Variants in FARS2 observed in about 807,000 individuals in gnomAD.
The protein encoded by FARS2 is phenylalanine--tRNA ligase, mitochondrial.
FARS2 carries 40 observed loss-of-function variants against 46.4 expected under a neutral mutation model. The observed-to-expected ratio is 0.86, with a 90% CI of 0.67 to 1.12. The LOEUF is 1.12. FARS2 is among the 50% of genes most tolerant of loss of function. FARS2 has a pLI of 0.00. For missense variants in FARS2, 513 were observed against 567.9 expected (o/e 0.90, Z 0.98); for synonymous variants, 234 against 214.9 (o/e 1.09, Z -0.78).
chr6:5,275,314 A>G (rs1280938486), intron 1 of FARS2, among the ~76,000 whole-genome samples: 2 of 152,138 alleles, frequency 1.3e-5, no homozygotes, highest in African/African-American at 2.4e-5. Flanking sequence ...TTCTTCAGGG[A>G]ATGTTCCCAA....
intron 4 of FARS2, among the ~76,000 whole-genome samples, chr6:5,462,254 T>G (rs969398401): frequency 3.3e-5 from 5 of 152,196 alleles, no homozygotes; most frequent in African/African-American, 7.2e-5. Context: ...ATTATTTGTC[T>G]TATTATTCAG....
chr6:5,589,624 A>C (rs1773806154), intron 5 of FARS2, among the ~76,000 whole-genome samples: 1 of 152,198 alleles, frequency 6.6e-6, no homozygotes, highest in Admixed American at 6.5e-5. Context: ...GTGATTCCTT[A>C]AGTGTTAGAC....
At chr6:5,741,324 G>C (rs1761323400) in intron 6 of FARS2, among the ~76,000 whole-genome samples, 1 of 152,228 alleles carries the variant, frequency 6.6e-6, no homozygotes, top group African/African-American at 2.4e-5. Context: ...GCGTGTGGAT[G>C]CTATGGGAAT....
intron 4 of FARS2, among the ~76,000 whole-genome samples, chr6:5,447,256 A>T (rs1250932917): frequency 6.6e-6 from 1 of 152,154 alleles, no homozygotes; most frequent in Non-Finnish European, 1.5e-5. Context: ...AGGGGGCCAG[A>T]TTGTGTGCCT....
At chr6:5,449,363 A>AAG (rs1435583587) in intron 4 of FARS2, among the ~76,000 whole-genome samples, 2 of 151,018 alleles carry the variant, frequency 1.3e-5, no homozygotes, top group Non-Finnish European at 3.0e-5. Flanking sequence ...AAAAAAAAAA[A>AAG]AAAGAAAAAA....
At chr6:5,709,926 A>AG (rs1307008420) in intron 6 of FARS2, among the ~76,000 whole-genome samples, 2 of 152,118 alleles carry the variant, frequency 1.3e-5, no homozygotes, top group Admixed American at 6.5e-5. Flanking sequence ...GCCCAGGATG[A>AG]GGGGGATCTC....
intron 6 of FARS2, among the ~76,000 whole-genome samples, chr6:5,755,604 C>A (rs560616371): frequency 8.5e-5 from 13 of 152,200 alleles, no homozygotes; most frequent in African/African-American, 2.9e-4. Flanking sequence ...CATTTAAGTA[C>A]TTTTTTTATT....
chr6:5,550,358 C>T (rs1488830826), intron 5 of FARS2, among the ~76,000 whole-genome samples: 1 of 152,024 alleles, frequency 6.6e-6, no homozygotes. Flanking sequence ...TCACTGCAAC[C>T]TCCACCTCCC....
In FARS2 at chr6:5,539,041, C is replaced by G. The variant is rs571311813; in HGVS notation, c.905-6139C>G. ...CTCAGTCACCTCAGCACTGGGTCCT[C>G]TCAGGTAGAGCCAGTCTCCTCTCTT... On this transcript the variant is annotated intron_variant, in intron 4 of 6. Coordinates refer to ENST00000274680, the MANE Select transcript of FARS2 (RefSeq NM_006567.5). Among the ~76,000 whole-genome samples the G allele has an allele frequency of 1.1e-4, 16 of 152,120 alleles. No individual in the cohort carries two copies. In the East Asian group the frequency reaches 3.1e-3, roughly 30 times the overall value.
At chr6:5,436,553 A>G (rs1223636193) in intron 4 of FARS2, among the ~76,000 whole-genome samples, 2 of 152,260 alleles carry the variant, frequency 1.3e-5, no homozygotes, top group African/African-American at 4.8e-5. Flanking sequence ...TAGGGCAGAT[A>G]AGATTATATC....
chr6:5,624,657 A>G (rs1775941410), intron 6 of FARS2, among the ~76,000 whole-genome samples: 1 of 152,128 alleles, frequency 6.6e-6, no homozygotes, highest in South Asian at 2.1e-4. Context: ...GTGGCGATGG[A>G]ATGCTCTCTT....
chr6:5,587,808 G>A (rs1561733772), intron 5 of FARS2, among the ~76,000 whole-genome samples: 1 of 152,132 alleles, frequency 6.6e-6, no homozygotes, highest in African/African-American at 2.4e-5. Flanking sequence ...TCTCCATTGT[G>A]TGACCTTGGG....
chr6:5,431,450 C>A (rs1004598841), intron 4 of FARS2, among the ~76,000 whole-genome samples: 1 of 152,168 alleles, frequency 6.6e-6, no homozygotes, highest in South Asian at 2.1e-4. Flanking sequence ...TTTGTTGATA[C>A]GTTGCTTTGT....
At chr6:5,510,393 C>T (rs1286849951) in intron 4 of FARS2, among the ~76,000 whole-genome samples, 1 of 151,842 alleles carries the variant, frequency 6.6e-6, no homozygotes, top group Non-Finnish European at 1.5e-5. Flanking sequence ...GCAACCCCAA[C>T]AGAACTGCGG....
intron 6 of FARS2, among the ~76,000 whole-genome samples, chr6:5,667,440 C>T (rs557850256): frequency 6.6e-5 from 10 of 151,790 alleles, no homozygotes; most frequent in Admixed American, 4.6e-4. Context: ...ATCGCTTGAA[C>T]CCAGGAGGTG....
chr6:5,610,305 T>TA (rs1775101630), intron 5 of FARS2: 2 of 392,332 alleles, frequency 5.1e-6, no homozygotes, highest in East Asian at 3.8e-5. Flanking sequence ...CCTTTTCAAT[T>TA]CTTTTTAAAA....
intron 6 of FARS2, among the ~76,000 whole-genome samples, chr6:5,708,328 T>G (rs955220128): frequency 1.3e-5 from 2 of 152,204 alleles, no homozygotes; most frequent in African/African-American, 2.4e-5. Context: ...TAGCATCATT[T>G]CACTCTCTTA....
chr6:5,491,635 G>A lies in FARS2; in HGVS notation c.905-53545G>A, dbSNP rs74944885. 4.3e-3 allele frequency among the ~76,000 whole-genome samples: 653 copies of A among 152,202 alleles called. 2 individuals carry two copies. Among genetic ancestry groups the A allele is most frequent in the Middle Eastern group, 0.014 (4 of 294 alleles). ...GAGTCCTTCCCCGAAAGATATGAGC[G>A]TTTCTTCTTCTGCATATGCCATAGC... On this transcript the variant is annotated intron_variant, in intron 4 of 6. Coordinates refer to ENST00000274680, the MANE Select transcript of FARS2 (RefSeq NM_006567.5).
chr6:5,326,412 G>C (rs146692810), intron 1 of FARS2, among the ~76,000 whole-genome samples: 169 of 152,306 alleles, frequency 1.1e-3, no homozygotes, highest in Middle Eastern at 0.01. Context: ...AATCATTAAC[G>C]TCCAGCACAC....
Sources: gnomAD v4.1 joint callset for allele counts (sites outside exome capture counted in the v4.1 genomes callset) on GRCh38, gnomAD v4.1.1 for gene constraint, MANE v1.5 for transcripts, NCBI Gene and HGNC (gene_info 2026-07-23, HGNC 2026-07-21) for gene names.